GOLGA8T: variants seen among roughly 807,000 people sequenced by gnomAD.
GOLGA8T encodes the protein golgin subfamily A member 8T.
In GOLGA8T, 17 loss-of-function variants were observed where a neutral mutation model predicts 52.0. The ratio of observed to expected loss-of-function variants is 0.33; its 90% CI spans 0.22 to 0.49. The LOEUF (loss-of-function observed/expected upper bound fraction) is 0.49, where lower values mean the gene tolerates loss of function less well. GOLGA8T is among the 20% of genes least tolerant of loss of function. GOLGA8T has a pLI of 0.99. For synonymous variants in GOLGA8T, 67 were observed against 169.5 expected, an observed-to-expected ratio of 0.40 and a Z score of 4.70; for missense variants, 154 against 462.1, an observed-to-expected ratio of 0.33 and a Z score of 6.11.
Position 30,145,002 on chromosome 15 carries a change from G to C in GOLGA8T, c.1510G>C (p.Asp504His). The C allele has an allele frequency of 1.4e-6, 2 of 1,390,812 alleles. No homozygotes were observed. The highest frequency in any genetic ancestry group is 1.3e-5 in the South Asian group (1 of 78,350). The allele number at this position is 1,390,812 out of a possible 1,614,324, so 86.2% of individuals were successfully genotyped here. A position where few individuals can be genotyped will look rare whatever the true frequency, so the allele number is the denominator to read the frequency against. ...ATCAGAACCAGGGGGCTGTGCCAAA[G>C]ATGCGGCACTGGGAGGAGGACACCA... ...LLSEPGGCAK[D>H]AALGGGHHQA... Residue 504 changes from aspartate to histidine, a missense_variant, in exon 17 of 19, where the codon GAT (aspartate) becomes CAT (histidine). Transcript: ENST00000569052.
intron 8 of GOLGA8T, 143 bp from the exon 9 acceptor site, chr15:30,140,699 T>C: frequency 3.8e-6 from 3 of 795,620 alleles, no homozygotes; most frequent in South Asian, 3.2e-5. Context: ...TGAGTTCTTT[T>C]AAAAACCAGA....
At chr15:30,139,914 TG>T (rs2057717219) in intron 8 of GOLGA8T, 130 bp downstream of exon 8, 1 of 536,642 alleles carries the variant, frequency 1.9e-6, no homozygotes, top group African/African-American at 3.7e-5. Context: ...GCTACTTTTT[TG>T]TATGGTTTTT....
At chr15:30,142,480 C>T (rs1188458722) in intron 13 of GOLGA8T, 98 bp downstream of exon 13, 2 of 1,548,762 alleles carry the variant, frequency 1.3e-6, no homozygotes, top group South Asian at 1.2e-5. Flanking sequence ...CAGCTTCCAG[C>T]CTGGGGGCTG....
Position 30,142,306 on chromosome 15 carries a change from C to G in GOLGA8T, c.1132-8C>G. ...GTGGGTGGCTGCTGATTGCTTCTCT[C>G]TGTCCAGAACAATGAGAACAAGAAC... On this transcript the variant is annotated splice_region_variant and splice_polypyrimidine_tract_variant and intron_variant, in intron 12 of 18. Transcript: ENST00000569052. 1 of 1,503,738 alleles carries G rather than the reference C, an allele frequency of 6.7e-7. No individual in the cohort carries two copies. Among genetic ancestry groups the G allele is most frequent in the Non-Finnish European group, 8.8e-7 (1 of 1,130,902 alleles). The allele number at this position is 1,503,738 out of a possible 1,614,324, so 93.1% of individuals were successfully genotyped here.
At chr15:30,137,239 G>A (rs1332043496) in intron 2 of GOLGA8T, among the ~76,000 whole-genome samples, 23 of 147,362 alleles carry the variant, frequency 1.6e-4, no homozygotes, top group Admixed American at 3.4e-4. Context: ...TTAGCCAAGC[G>A]TGGTGGCGTG....
At chr15:30,142,781 A>AT (rs2057764723) in intron 13 of GOLGA8T, among the ~76,000 whole-genome samples, 1 of 97,024 alleles carries the variant, frequency 1.0e-5, no homozygotes, top group Non-Finnish European at 1.9e-5. Flanking sequence ...TACTAAAATT[A>AT]CAAAAAAAAA....
In GOLGA8T at chr15:30,148,257, G is replaced by A. The variant is rs1439573903; in HGVS notation, c.*2690G>A. Among the ~76,000 whole-genome samples the A allele has an allele frequency of 1.7e-5, 2 of 116,256 alleles. No homozygotes were observed. Among genetic ancestry groups the A allele is most frequent in the African/African-American group, 4.5e-5 (1 of 22,180 alleles). 76.3% of individuals were successfully genotyped at this position (116,256 alleles called of 152,430 possible). On this transcript the variant is annotated 3_prime_UTR_variant, in exon 19 of 19. Coordinates refer to ENST00000569052, the MANE Select transcript of GOLGA8T (RefSeq NM_001355469.2). Reference sequence around the variant, plus strand: ...ACTGAATACATTTTAATGTCTGTAGGAAGAATCAAAACACCTATTTAAAGA... The same window carrying A: ...ACTGAATACATTTTAATGTCTGTAGAAAGAATCAAAACACCTATTTAAAGA...
chr15:30,142,461 G>C (rs2057757892), intron 13 of GOLGA8T, 79 bp downstream of exon 13: 4 of 1,573,016 alleles, frequency 2.5e-6, no homozygotes, highest in Non-Finnish European at 1.7e-6. Flanking sequence ...GGAGGTACGA[G>C]GCCAGAGGCA....
chr15:30,141,619 C>T (rs576647094), intron 11 of GOLGA8T, among the ~76,000 whole-genome samples, 183 bp from the exon 12 acceptor site: 4 of 127,124 alleles, frequency 3.1e-5, no homozygotes, highest in Admixed American at 2.9e-4. Context: ...AAAGAGGGCC[C>T]GTTGTCAGCC....
In GOLGA8T at chr15:30,141,198, T is replaced by G. The variant is rs368335582; in HGVS notation, c.786+56T>G. The G allele has an allele frequency of 1.9e-3, 2,083 of 1,085,968 alleles. 134 individuals are homozygous for G. Among genetic ancestry groups the G allele is most frequent in the African/African-American group, 3.8e-3 (117 of 31,178 alleles). 67.3% of individuals were successfully genotyped at this position (1,085,968 alleles called of 1,614,324 possible). A position where few individuals can be genotyped will look rare whatever the true frequency, so the allele number is the denominator to read the frequency against. ...TAGATAGGTCACTGGATCTTTCTGG[T>G]CATCTGTAAAATGGGAATAGTAGAG... On this transcript the variant is annotated intron_variant, in intron 10 of 18. Transcript: ENST00000569052.
rs2057731648 is a variant in GOLGA8T at position 30,140,732 on chromosome 15, A to T, written c.592-110A>T. The T allele has an allele frequency of 4.5e-5, 37 of 831,312 alleles. 1 individual carries two copies. The South Asian group carries it at 5.5e-4, about 12-fold the overall frequency. The allele number at this position is 831,312 out of a possible 1,614,324, so 51.5% of individuals were successfully genotyped here. On this transcript the variant is annotated intron_variant, in intron 8 of 18. Transcript: ENST00000569052. ...AGACCACGGGCTTGGAAATGCCTTG[A>T]TCTTTACTGACCGAGTTGTATATTG...
chr15:30,142,420 G>A, intron 13 of GOLGA8T, 38 bp downstream of exon 13: 3 of 1,577,896 alleles, frequency 1.9e-6, no homozygotes, highest in Non-Finnish European at 2.6e-6. Flanking sequence ...TCCAAGAAGG[G>A]CTGGGAGGCG....
Position 30,148,021 on chromosome 15 carries a change from C to T in GOLGA8T, c.*2454C>T, listed in dbSNP as rs1358907543. Among the ~76,000 whole-genome samples, 1 of 129,062 alleles carries T rather than the reference C, an allele frequency of 7.7e-6. No homozygotes were observed. Among genetic ancestry groups the T allele is most frequent in the African/African-American group, 3.6e-5 (1 of 27,620 alleles). 84.7% of individuals were successfully genotyped at this position (129,062 alleles called of 152,430 possible). On this transcript the variant is annotated 3_prime_UTR_variant, in exon 19 of 19. Coordinates refer to ENST00000569052, the MANE Select transcript of GOLGA8T (RefSeq NM_001355469.2). ...TACCACTCTTTGTGTAGGCATTTGT[C>T]ATATACTTAAGAAAACGCTAAAAAG...
At chr15:30,142,497 A>C in intron 13 of GOLGA8T, 115 bp downstream of exon 13, 1 of 1,520,410 alleles carries the variant, frequency 6.6e-7, no homozygotes, top group Non-Finnish European at 8.8e-7. Context: ...GCTGGTGACC[A>C]CAGCACCCCC....
chr15:30,140,266 T>A (rs909211067), intron 8 of GOLGA8T, among the ~76,000 whole-genome samples: 3 of 128,556 alleles, frequency 2.3e-5, no homozygotes, highest in African/African-American at 1.2e-4. Context: ...GGGAGATACT[T>A]CCCTTCTGTA....
rs1185019990 is a variant in GOLGA8T, at chr15:30,142,487, G to T, written c.1200+105G>T. The T allele has an allele frequency of 2.8e-5, 43 of 1,538,104 alleles. 3 individuals are homozygous for T. The Admixed American group carries it at 4.8e-4, about 17-fold the overall frequency. ...GCCAGAGGCAGCTTCCAGCCTGGGG[G>T]CTGGTGACCACAGCACCCCCCAGGG... On this transcript the variant is annotated intron_variant, in intron 13 of 18. Transcript: ENST00000569052.
rs1157302132 is a variant in GOLGA8T at position 30,142,424 on chromosome 15, G to T, written c.1200+42G>T. ...CCTCCACCCCATCCAAGAAGGGCTG[G>T]GAGGCGGGCAGCAGACTCTGGGGAG... is the stretch of plus-strand genomic sequence containing the variant. On this transcript the variant is annotated intron_variant, in intron 13 of 18. Coordinates refer to ENST00000569052, the MANE Select transcript of GOLGA8T (RefSeq NM_001355469.2). 6 of 1,579,298 alleles carry T rather than the reference G, an allele frequency of 3.8e-6. 1 individual carries two copies. Among genetic ancestry groups the T allele is most frequent in the Admixed American group, 1.7e-5 (1 of 57,564 alleles).
At chr15:30,142,482 T>TG (rs1423616928) in intron 13 of GOLGA8T, 100 bp downstream of exon 13, 2 of 1,541,672 alleles carry the variant, frequency 1.3e-6, no homozygotes, top group African/African-American at 2.9e-5. Flanking sequence ...GCTTCCAGCC[T>TG]GGGGGCTGGT....
At chr15:30,144,599 G>T (rs2057794058) in intron 15 of GOLGA8T, among the ~76,000 whole-genome samples, 180 bp from the exon 16 acceptor site, 1 of 133,062 alleles carries the variant, frequency 7.5e-6, no homozygotes, top group Non-Finnish European at 1.6e-5. Context: ...GAGGCAGCCA[G>T]AGGCCCTGGA....
Sources: allele counts gnomAD v4.1 joint callset (sites outside exome capture counted in the v4.1 genomes callset), GRCh38; gene constraint gnomAD v4.1.1; transcripts MANE v1.5; gene names NCBI Gene and HGNC (gene_info 2026-07-23, HGNC 2026-07-21).